GRM3: variants seen among roughly 807,000 people sequenced by gnomAD.
GRM3 encodes the protein metabotropic glutamate receptor 3.
Under a neutral mutation model 70.5 loss-of-function variants are expected in GRM3, and 26 were observed. The observed-to-expected ratio is 0.37, with a 90% CI of 0.27 to 0.51. The LOEUF (loss-of-function observed/expected upper bound fraction) is 0.51. Ranked by LOEUF, GRM3 falls within the 20% of genes least tolerant of loss-of-function variation. GRM3 has a pLI of 0.93. For missense variants in GRM3, 859 were observed against 1,123.8 expected, an observed-to-expected ratio of 0.76 and a Z score of 3.37; for synonymous variants, 443 against 434.9, an observed-to-expected ratio of 1.02 and a Z score of -0.23.
chr7:86,728,067 G>A (rs768235334), intron 1 of GRM3, among the ~76,000 whole-genome samples: 3 of 151,988 alleles, frequency 2.0e-5, no homozygotes, highest in Non-Finnish European at 4.4e-5. Flanking sequence ...ATTTATATTG[G>A]CTCAAAAAAG....
intron 5 of GRM3, among the ~76,000 whole-genome samples, chr7:86,860,360 C>T (rs1254017057): frequency 6.6e-6 from 1 of 152,044 alleles, no homozygotes; most frequent in African/African-American, 2.4e-5. Context: ...AGATAATAAG[C>T]TCATAAAACA....
At chr7:86,723,227 T>TA (rs61660393) in intron 1 of GRM3, among the ~76,000 whole-genome samples, 24,436 of 151,436 alleles carry the variant, frequency 0.16, 2,198 homozygotes, top group Non-Finnish European at 0.21. Flanking sequence ...TCTACATCCA[T>TA]AAAAAAAATA....
intron 1 of GRM3, among the ~76,000 whole-genome samples, chr7:86,687,639 A>G (rs1794598028): frequency 6.6e-6 from 1 of 151,916 alleles, no homozygotes; most frequent in Non-Finnish European, 1.5e-5. Context: ...TTTAGGTTGA[A>G]GGAAAAATGA....
chr7:86,689,074 G>T (rs1260825886), intron 1 of GRM3, among the ~76,000 whole-genome samples: 2 of 150,732 alleles, frequency 1.3e-5, no homozygotes, highest in East Asian at 1.9e-4. Context: ...GACAGATATT[G>T]TAAGACTAGT....
intron 1 of GRM3, among the ~76,000 whole-genome samples, chr7:86,669,437 G>C (rs932421752): frequency 6.6e-6 from 1 of 152,142 alleles, no homozygotes; most frequent in Non-Finnish European, 1.5e-5. Flanking sequence ...CTCTTTTTCT[G>C]TGACAAGATT....
chr7:86,696,736 G>T (rs1584173104), intron 1 of GRM3, among the ~76,000 whole-genome samples: 1 of 151,922 alleles, frequency 6.6e-6, no homozygotes, highest in African/African-American at 2.4e-5. Flanking sequence ...TGGTAGCAGT[G>T]GTAGCTCCTG....
intron 1 of GRM3, among the ~76,000 whole-genome samples, chr7:86,668,535 A>G (rs1357282199): frequency 6.6e-6 from 1 of 152,126 alleles, no homozygotes; most frequent in African/African-American, 2.4e-5. Flanking sequence ...CTCTTCAGCT[A>G]CCACAACTTC....
intron 1 of GRM3, among the ~76,000 whole-genome samples, chr7:86,719,472 T>G (rs964739891): frequency 4.6e-5 from 7 of 152,166 alleles, no homozygotes; most frequent in Admixed American, 2.0e-4. Context: ...GAACAAGAAA[T>G]TATTGTGCAA....
rs1793397008 is a variant in GRM3, at chr7:86,644,240, A to C, written c.-773A>C. The stretch of plus-strand genomic sequence containing the variant: ...AAATCTACCCTGGCTTTTCGTATAA[A>C]AATCCTCTCGTCTAGGTACCCTGGC... On this transcript the variant is annotated 5_prime_UTR_variant, in exon 1 of 6. Coordinates refer to ENST00000361669, the MANE Select transcript of GRM3 (RefSeq NM_000840.3). 1 of 172,996 alleles carries C rather than the reference A, an allele frequency of 5.8e-6. No homozygotes were observed. The highest frequency in any genetic ancestry group is 5.5e-5 in the Admixed American group (1 of 18,110). The allele number at this position is 172,996 out of a possible 1,614,324, so 10.7% of individuals were successfully genotyped here.
rs1183693855 is a variant in GRM3 at position 86,655,845 on chromosome 7, T to G, written c.-141+10973T>G. 8.1e-5 allele frequency among the ~76,000 whole-genome samples: 11 copies of G among 136,512 alleles called. No individual in the cohort carries two copies. In the East Asian group the frequency reaches 1.6e-3, roughly 20 times the overall value. 89.6% of individuals were successfully genotyped at this position (136,512 alleles called of 152,430 possible). A position where few individuals can be genotyped will look rare whatever the true frequency, so the allele number is the denominator to read the frequency against. On this transcript the variant is annotated intron_variant, in intron 1 of 5. Coordinates refer to ENST00000361669, the MANE Select transcript of GRM3 (RefSeq NM_000840.3). ...CTGTGTGTGTGTGTGTGTGTGTGTGTGTGTGTGGGTGGGTGGGTGTGTGTG... is the reference window on the plus strand; with the variant it reads ...CTGTGTGTGTGTGTGTGTGTGTGTGGGTGTGTGGGTGGGTGGGTGTGTGTG...
chr7:86,746,668 G>T (rs1359332605), intron 1 of GRM3, among the ~76,000 whole-genome samples: 2 of 152,014 alleles, frequency 1.3e-5, no homozygotes, highest in East Asian at 3.9e-4. Context: ...CTAGCCCGAT[G>T]CATTGCTAAT....
rs145300118 is a variant in GRM3, at chr7:86,730,206, A to G, written c.-140-34800A>G. 9.5e-3 allele frequency among the ~76,000 whole-genome samples: 1,440 copies of G among 152,226 alleles called. 19 individuals are homozygous for G. The highest frequency in any genetic ancestry group is 0.033 in the African/African-American group (1,370 of 41,526). On this transcript the variant is annotated intron_variant, in intron 1 of 5. Coordinates refer to ENST00000361669, the MANE Select transcript of GRM3 (RefSeq NM_000840.3). ...GAGGCCGAGGCAGGCAGATCACTTG[A>G]GGTCAGGAGTTCAAGACCAGCCTGG... is the stretch of plus-strand genomic sequence containing the variant.
intron 1 of GRM3, among the ~76,000 whole-genome samples, chr7:86,713,359 T>A (rs1442603556): frequency 1.3e-5 from 2 of 152,098 alleles, no homozygotes; most frequent in African/African-American, 4.8e-5. Flanking sequence ...GAGCCCCTTA[T>A]AGCCTCATAT....
chr7:86,825,352 C>T (rs1463014162), intron 3 of GRM3, among the ~76,000 whole-genome samples: 1 of 152,180 alleles, frequency 6.6e-6, no homozygotes, highest in African/African-American at 2.4e-5. Flanking sequence ...GATGATGTAG[C>T]TTTGGAATTT....
At chr7:86,747,850 AT>A (rs1000844245) in intron 1 of GRM3, among the ~76,000 whole-genome samples, 1 of 152,096 alleles carries the variant, frequency 6.6e-6, no homozygotes, top group African/African-American at 2.4e-5. Context: ...GCAGGATGTA[AT>A]TTGAAGCAGC....
At chr7:86,692,184 C>T (rs1398022032) in intron 1 of GRM3, among the ~76,000 whole-genome samples, 1 of 152,138 alleles carries the variant, frequency 6.6e-6, no homozygotes, top group Non-Finnish European at 1.5e-5. Context: ...CACACATAGC[C>T]ATACTTTGGG....
chr7:86,817,392 G>T (rs889244259), intron 3 of GRM3, among the ~76,000 whole-genome samples: 1 of 151,678 alleles, frequency 6.6e-6, no homozygotes, highest in Non-Finnish European at 1.5e-5. Flanking sequence ...TCAATGAGGC[G>T]GATCAAAGCC....
intron 1 of GRM3, among the ~76,000 whole-genome samples, chr7:86,647,260 A>C (rs1481277305): frequency 2.0e-5 from 3 of 152,126 alleles, no homozygotes; most frequent in Non-Finnish European, 4.4e-5. Flanking sequence ...TTGCCAAATA[A>C]AACTGTTGTC....
chr7:86,650,783 G>A (rs77840844), intron 1 of GRM3, among the ~76,000 whole-genome samples: 2,410 of 152,288 alleles, frequency 0.016, 29 homozygotes, highest in Non-Finnish European at 0.025. Context: ...CCAGGATAGA[G>A]GTGAGTAGGA....
Sources: allele counts gnomAD v4.1 joint callset (sites outside exome capture counted in the v4.1 genomes callset), GRCh38; gene constraint gnomAD v4.1.1; transcripts MANE v1.5; gene names NCBI Gene and HGNC (gene_info 2026-07-23, HGNC 2026-07-21).